Variants in SLC25A53 observed in about 807,000 individuals in gnomAD.
The protein encoded by SLC25A53 is solute carrier family 25 member 53, also known as mitochondrial carrier triple repeat protein 6.
A neutral mutation model predicts 15.0 loss-of-function variants in SLC25A53; 5 were observed. That is an observed-to-expected ratio of 0.33 (90% CI 0.17 to 0.70). The LOEUF is 0.70. SLC25A53 is among the 30% of genes least tolerant of loss of function. The pLI is 0.67. For synonymous variants in SLC25A53, 95 were observed against 100.0 expected (o/e 0.95, Z 0.30); for missense variants, 216 against 241.6 (o/e 0.89, Z 0.70).
intron 1 of SLC25A53, among the ~76,000 whole-genome samples, chrX:104,124,948 T>G (rs1480391474): frequency 9.7e-6 from 1 of 103,015 alleles, no homozygotes; most frequent in Non-Finnish European, 2.0e-5. Flanking sequence ...TTTCAAGCGA[T>G]TCTCTTGCCT....
Position 104,101,589 on chromosome X carries a change from A to G in SLC25A53, c.*2745T>C, listed in dbSNP as rs1357306782. The stretch of plus-strand genomic sequence containing the variant: ...CCAAGTATATATTTCACAATATCAC[A>G]TATATTGTGTGAGTTTTCATTTTAT... On this transcript the variant is annotated 3_prime_UTR_variant, in exon 2 of 2. Coordinates refer to ENST00000594199, the MANE Select transcript of SLC25A53 (RefSeq NM_001012755.5). 8.9e-6 allele frequency: 1 copy of G among 112,700 alleles called. No homozygotes were observed. Among genetic ancestry groups the G allele is most frequent in the Non-Finnish European group, 1.9e-5 (1 of 53,377 alleles). 9.3% of individuals were successfully genotyped at this position (112,700 alleles called of 1,213,427 possible).
chrX:104,126,797 T>C (rs142098009), intron 1 of SLC25A53, among the ~76,000 whole-genome samples: 17 of 112,094 alleles, frequency 1.5e-4, no homozygotes, highest in African/African-American at 4.5e-4. Flanking sequence ...AAAACCACAA[T>C]AAGCTAAGCT....
intron 1 of SLC25A53, among the ~76,000 whole-genome samples, chrX:104,136,317 G>A (rs1556366452): frequency 9.0e-6 from 1 of 111,082 alleles, no homozygotes; most frequent in Non-Finnish European, 1.9e-5. Context: ...AGAGGAAACG[G>A]CAGGTCAGTG....
chrX:104,105,301 G>GA lies in SLC25A53; in HGVS notation c.-31-14dup. ...CAGATGGAAGAAACTGGCAAGGGTG[G>GA]AAAAAAAGAGATTAGACTGACCAAT... On this transcript the variant is annotated splice_polypyrimidine_tract_variant and intron_variant, in intron 1 of 1. Coordinates refer to ENST00000594199, the MANE Select transcript of SLC25A53 (RefSeq NM_001012755.5). 1 of 1,060,785 alleles carries GA rather than the reference G, an allele frequency of 9.4e-7. No homozygotes were observed. Among genetic ancestry groups the GA allele is most frequent in the African/African-American group, 1.9e-5 (1 of 53,534 alleles). The allele number at this position is 1,060,785 out of a possible 1,213,427, so 87.4% of individuals were successfully genotyped here.
chrX:104,123,569 C>CT (rs2075401516), intron 1 of SLC25A53, among the ~76,000 whole-genome samples: 1 of 110,003 alleles, frequency 9.1e-6, no homozygotes, highest in African/African-American at 3.3e-5. Flanking sequence ...CTTTTTTTCC[C>CT]TTTTTTTAAA....
chrX:104,145,195 C>T (rs1556368411), intron 1 of SLC25A53, among the ~76,000 whole-genome samples: 1 of 111,851 alleles, frequency 8.9e-6, no homozygotes, highest in African/African-American at 3.3e-5. Flanking sequence ...ACTAAACAAC[C>T]TGCTCCTGAA....
In SLC25A53 at chrX:104,104,805, G is replaced by T. The variant is rs781837229; in HGVS notation, c.453C>A (p.Phe151Leu). Residue 151 changes from phenylalanine (F) to leucine (L), a missense_variant, in exon 2 of 2, where the codon TTC becomes TTA. Physicochemically the swap from Phe to Leu is conservative, Grantham distance 22. Transcript: ENST00000594199. ...CCTTGAGAATGCTGAAGGTGCTGGG[G>T]AAGCGAGCTTGCTTGCGACCATCCT... ...VLQDGRKQAR[F>L]PSTFSILKEF... The T allele has an allele frequency of 6.6e-6, 8 of 1,209,880 alleles. No individual in the cohort carries two copies. Among genetic ancestry groups the T allele is most frequent in the East Asian group, 3.0e-5 (1 of 33,770 alleles).
chrX:104,146,908 C>T (rs1556369183), intron 1 of SLC25A53, among the ~76,000 whole-genome samples: 1 of 111,353 alleles, frequency 9.0e-6, no homozygotes, highest in Non-Finnish European at 1.9e-5. Flanking sequence ...ATGCCATCCC[C>T]ATCAAGCTAC....
intron 1 of SLC25A53, among the ~76,000 whole-genome samples, chrX:104,142,652 G>C (rs2075453905): frequency 9.0e-6 from 1 of 110,657 alleles, no homozygotes. Context: ...AAAAGCTCTG[G>C]TCTGCAGCTC....
chrX:104,115,116 G>A, intron 1 of SLC25A53: 2 of 1,203,187 alleles, frequency 1.7e-6, no homozygotes, highest in Non-Finnish European at 2.2e-6. Flanking sequence ...ATGGTCCTGG[G>A]AATATTCGTA....
In SLC25A53 at chrX:104,100,378, T is replaced by C. The variant is rs2075275341; in HGVS notation, c.*3956A>G. 1 of 111,910 alleles carries C rather than the reference T, an allele frequency of 8.9e-6. No homozygotes were observed. Among genetic ancestry groups the C allele is most frequent in the Admixed American group, 9.5e-5 (1 of 10,507 alleles). 9.2% of individuals were successfully genotyped at this position (111,910 alleles called of 1,213,427 possible). ...TATATTTTATGTGTTTAAACAGATA[T>C]AGATATTTATTACCTCCTTATTTTA... On this transcript the variant is annotated 3_prime_UTR_variant, in exon 2 of 2. Transcript: ENST00000594199.
chrX:104,114,633 C>T (rs188185160), intron 1 of SLC25A53: 2 of 1,210,299 alleles, frequency 1.7e-6, no homozygotes, highest in Non-Finnish European at 2.2e-6. Context: ...ACCAGACTCG[C>T]TTGCAACAGC....
chrX:104,127,825 A>G (rs1427944779), intron 1 of SLC25A53, among the ~76,000 whole-genome samples: 1 of 111,067 alleles, frequency 9.0e-6, no homozygotes, highest in Non-Finnish European at 1.9e-5. Flanking sequence ...TTAGCTTGGC[A>G]TGGTGGCACA....
chrX:104,111,530 T>A (rs1194290927), intron 1 of SLC25A53, among the ~76,000 whole-genome samples: 6 of 110,510 alleles, frequency 5.4e-5, no homozygotes, highest in African/African-American at 2.0e-4. Context: ...ATAAAAAAAA[T>A]GAAAGAAAGA....
At chrX:104,111,027 C>T (rs1215118430) in intron 1 of SLC25A53, among the ~76,000 whole-genome samples, 1 of 112,536 alleles carries the variant, frequency 8.9e-6, no homozygotes, top group Non-Finnish European at 1.9e-5. Flanking sequence ...GGAAGGACCT[C>T]GGGTAGGAAC....
intron 1 of SLC25A53, among the ~76,000 whole-genome samples, chrX:104,108,787 T>G (rs2075324563): frequency 1.8e-5 from 2 of 111,957 alleles, no homozygotes; most frequent in African/African-American, 6.5e-5. Context: ...TGCATTTGTC[T>G]GTTCATTCAG....
At chrX:104,132,194 G>A (rs1338911159) in intron 1 of SLC25A53, among the ~76,000 whole-genome samples, 2 of 111,955 alleles carry the variant, frequency 1.8e-5, no homozygotes, top group African/African-American at 6.5e-5. Flanking sequence ...ACATTTTTTT[G>A]TAAAGCAGAG....
chrX:104,155,124 C>T (rs1422477297), intron 1 of SLC25A53, among the ~76,000 whole-genome samples: 3 of 109,911 alleles, frequency 2.7e-5, no homozygotes, highest in Non-Finnish European at 5.7e-5. Flanking sequence ...ACATGCCTGA[C>T]GTTTAGGAGT....
intron 1 of SLC25A53, among the ~76,000 whole-genome samples, chrX:104,147,874 A>C (rs2075473038): frequency 9.0e-6 from 1 of 110,644 alleles, no homozygotes; most frequent in African/African-American, 3.3e-5. Context: ...TAGTTCAACC[A>C]TTGTGGAAGT....
Sources: gnomAD v4.1 joint callset for allele counts (sites outside exome capture counted in the v4.1 genomes callset) on GRCh38, gnomAD v4.1.1 for gene constraint, MANE v1.5 for transcripts, NCBI Gene and HGNC (gene_info 2026-07-23, HGNC 2026-07-21) for gene names.